DCDC2: variants seen among roughly 807,000 people sequenced by gnomAD.
DCDC2 encodes doublecortin domain-containing protein 2.
In DCDC2, 40 loss-of-function variants were observed where a neutral mutation model predicts 50.2. That is an observed-to-expected ratio of 0.80 (90% confidence interval 0.62 to 1.04). The LOEUF (loss-of-function observed/expected upper bound fraction) is 1.04, where lower values mean the gene tolerates loss of function less well. DCDC2 is among the 50% of genes least tolerant of loss of function. The pLI is 0.00. For synonymous variants in DCDC2, 234 were observed against 210.6 expected, an observed-to-expected ratio of 1.11 and a Z score of -0.96; for missense variants, 570 against 581.9, an observed-to-expected ratio of 0.98 and a Z score of 0.21.
At chr6:24,185,426 G>A (rs1048230420) in intron 8 of DCDC2, among the ~76,000 whole-genome samples, 10 of 152,114 alleles carry the variant, frequency 6.6e-5, no homozygotes, top group Admixed American at 2.0e-4. Context: ...TAAATAAGAC[G>A]GTAACATTAG....
At chr6:24,357,359 A>C (rs1318181180) in intron 1 of DCDC2, 99 bp downstream of exon 1, 8 of 1,397,816 alleles carry the variant, frequency 5.7e-6, no homozygotes, top group Non-Finnish European at 7.7e-6. Flanking sequence ...ACAGCCCCTC[A>C]ACCACTGAGG....
intron 2 of DCDC2, among the ~76,000 whole-genome samples, chr6:24,351,659 C>T (rs930732569): frequency 5.3e-5 from 8 of 152,142 alleles, no homozygotes; most frequent in African/African-American, 1.9e-4. Flanking sequence ...AGGTTTTTCA[C>T]ACGTAAGGTG....
intron 7 of DCDC2, among the ~76,000 whole-genome samples, chr6:24,235,984 T>C (rs927670551): frequency 6.6e-6 from 1 of 152,164 alleles, no homozygotes; most frequent in Non-Finnish European, 1.5e-5. Flanking sequence ...TCCATGCTCA[T>C]GAATTAGAAG....
intron 4 of DCDC2, among the ~76,000 whole-genome samples, chr6:24,294,186 G>A (rs540546228): frequency 2.6e-4 from 40 of 152,090 alleles, no homozygotes; most frequent in South Asian, 6.2e-4. Flanking sequence ...GTGAAACCCC[G>A]TCTCTACAAA....
At chr6:24,266,427 G>A (rs561080575) in intron 7 of DCDC2, among the ~76,000 whole-genome samples, 18 of 152,038 alleles carry the variant, frequency 1.2e-4, no homozygotes, top group African/African-American at 4.3e-4. Context: ...ATCTGACAAG[G>A]AATTAATAAT....
At chr6:24,288,278 C>T (rs1763660842) in intron 6 of DCDC2, among the ~76,000 whole-genome samples, 1 of 152,160 alleles carries the variant, frequency 6.6e-6, no homozygotes, top group South Asian at 2.1e-4. Flanking sequence ...GGAGCTCACC[C>T]CATCAGGGAG....
At chr6:24,209,745 T>G (rs1310354917) in intron 7 of DCDC2, among the ~76,000 whole-genome samples, 2 of 152,154 alleles carry the variant, frequency 1.3e-5, no homozygotes, top group African/African-American at 4.8e-5. Flanking sequence ...GTGTATCATA[T>G]AAAAGTAACT....
At chr6:24,197,216 T>C (rs1761464041) in intron 8 of DCDC2, among the ~76,000 whole-genome samples, 1 of 152,224 alleles carries the variant, frequency 6.6e-6, no homozygotes, top group Non-Finnish European at 1.5e-5. Context: ...AATCAAGCCC[T>C]GCAGATGCAT....
intron 7 of DCDC2, among the ~76,000 whole-genome samples, chr6:24,273,889 C>A (rs12055879): frequency 0.52 from 79,363 of 152,052 alleles, 25,178 homozygotes; most frequent in East Asian, 0.78. Context: ...CTTCTGCCGG[C>A]ACCACACCTG....
At chr6:24,354,855 C>T (rs1760436790) in intron 1 of DCDC2, among the ~76,000 whole-genome samples, 1 of 152,096 alleles carries the variant, frequency 6.6e-6, no homozygotes, top group African/African-American at 2.4e-5. Context: ...GTTTAGTTAT[C>T]GTTTCAAAAA....
chr6:24,304,815 T>TC (rs999149036), intron 2 of DCDC2, among the ~76,000 whole-genome samples: 8 of 152,170 alleles, frequency 5.3e-5, no homozygotes, highest in Non-Finnish European at 7.3e-5. Flanking sequence ...TCATTTTTTT[T>TC]CCCTTTTAGA....
intron 7 of DCDC2, among the ~76,000 whole-genome samples, chr6:24,215,995 A>T (rs770109026): frequency 3.9e-5 from 6 of 152,176 alleles, no homozygotes; most frequent in Non-Finnish European, 7.3e-5. Context: ...GTTATTCATC[A>T]AGACTGGCCA....
At chr6:24,342,152 A>T (rs1264009762) in intron 2 of DCDC2, among the ~76,000 whole-genome samples, 1 of 152,108 alleles carries the variant, frequency 6.6e-6, no homozygotes, top group Non-Finnish European at 1.5e-5. Flanking sequence ...CTGGACATAC[A>T]GTTAGTGGGG....
At position 24,271,740 on chromosome 6, in the gene DCDC2, C is replaced by T. The variant is rs78988261; in HGVS notation, c.922+6309G>A. 5.5e-4 allele frequency among the ~76,000 whole-genome samples: 84 copies of T among 152,294 alleles called. No individual in the cohort carries two copies. The South Asian group carries it at 0.012, about 22-fold the overall frequency. The stretch of plus-strand genomic sequence containing the variant: ...ACACAGTGGGCAACCTACACAGCAT[C>T]GGCAGCACAATGCAATAATTAAGAT... On this transcript the variant is annotated intron_variant, in intron 7 of 9. Transcript: ENST00000378454.
chr6:24,312,316 C>T (rs147035465), intron 2 of DCDC2, among the ~76,000 whole-genome samples: 32 of 152,226 alleles, frequency 2.1e-4, no homozygotes, highest in African/African-American at 6.7e-4. Flanking sequence ...CACATGGACA[C>T]GTAACACCTC....
At chr6:24,221,276 C>T (rs1013319405) in intron 7 of DCDC2, among the ~76,000 whole-genome samples, 13 of 152,158 alleles carry the variant, frequency 8.5e-5, no homozygotes, top group South Asian at 6.2e-4. Flanking sequence ...CTTAACAACA[C>T]GTCCCACAGC....
intron 2 of DCDC2, among the ~76,000 whole-genome samples, chr6:24,309,395 G>A (rs1759532478): frequency 6.6e-6 from 1 of 151,830 alleles, no homozygotes; most frequent in African/African-American, 2.4e-5. Flanking sequence ...CATGAGATTG[G>A]TAACATATAT....
chr6:24,253,353 C>T (rs1581613013), intron 7 of DCDC2, among the ~76,000 whole-genome samples: 1 of 151,996 alleles, frequency 6.6e-6, no homozygotes, highest in African/African-American at 2.4e-5. Context: ...TAAGGAATAC[C>T]TTTACACAAA....
At chr6:24,256,084 C>G (rs555798132) in intron 7 of DCDC2, among the ~76,000 whole-genome samples, 3 of 152,170 alleles carry the variant, frequency 2.0e-5, no homozygotes, top group South Asian at 2.1e-4. Context: ...TTATGGTCAA[C>G]AAAATAGAAG....
Sources: gnomAD v4.1 joint callset for allele counts (sites outside exome capture counted in the v4.1 genomes callset) on GRCh38, gnomAD v4.1.1 for gene constraint, MANE v1.5 for transcripts, NCBI Gene and HGNC (gene_info 2026-07-23, HGNC 2026-07-21) for gene names.